CHRM3: variants seen among roughly 807,000 people sequenced by gnomAD.
CHRM3 encodes muscarinic acetylcholine receptor M3.
A neutral mutation model predicts 41.8 loss-of-function variants in CHRM3; 11 were observed. The observed-to-expected ratio is 0.26, with a 90% CI of 0.17 to 0.44. The LOEUF (loss-of-function observed/expected upper bound fraction) is 0.44. Among genes scored for constraint, CHRM3 ranks in the 20% least tolerant of loss-of-function variants. The pLI is 1.00. For synonymous variants in CHRM3, 297 were observed against 301.4 expected (o/e 0.99, Z 0.15); for missense variants, 571 against 745.4 (o/e 0.77, Z 2.72).
chr1:239,908,408 C>G lies in CHRM3; in HGVS notation c.957C>G (p.Ser319Arg). Residue 319 changes from serine to arginine, a missense_variant, in exon 7 of 7, where the codon AGC becomes AGG. By Grantham distance (110) the Ser-to-Arg change is moderately radical. This residue lies in a region of CHRM3 where 239 missense variants were observed against 239.6 expected (regional missense o/e 1.00). Coordinates refer to ENST00000676153, the MANE Select transcript of CHRM3 (RefSeq NM_001375978.1). The surrounding 1 kb of genome is among the most constrained non-coding windows in gnomAD (Gnocchi z 7.2). ...GRCHFWFTTK[S>R]WKPSSEQMDQ... ...GCCACTTCTGGTTCACAACCAAGAGCTGGAAACCCAGCTCCGAGCAGATGG... is the reference window on the plus strand; with the variant it reads ...GCCACTTCTGGTTCACAACCAAGAGGTGGAAACCCAGCTCCGAGCAGATGG... 6.2e-7 allele frequency: 1 copy of G among 1,614,070 alleles called. No homozygotes were observed. The highest frequency in any genetic ancestry group is 8.5e-7 in the Non-Finnish European group (1 of 1,180,042).
chr1:239,594,423 A>G (rs188921470), intron 3 of CHRM3, among the ~76,000 whole-genome samples: 1 of 152,346 alleles, frequency 6.6e-6, no homozygotes. Flanking sequence ...CCATACGACA[A>G]TATCATTATT....
chr1:239,656,452 C>T (rs980352096), intron 4 of CHRM3, among the ~76,000 whole-genome samples: 2 of 147,462 alleles, frequency 1.4e-5, no homozygotes, highest in African/African-American at 5.1e-5. Flanking sequence ...AAGACATCAT[C>T]TCTGCTAAAA....
At chr1:239,888,222 C>G (rs1485720300) in intron 6 of CHRM3, among the ~76,000 whole-genome samples, 1 of 151,952 alleles carries the variant, frequency 6.6e-6, no homozygotes, top group East Asian at 1.9e-4. Context: ...AAAAAAGTAG[C>G]CAGGCATGGT....
At chr1:239,771,975 A>C (rs544581862) in intron 5 of CHRM3, among the ~76,000 whole-genome samples, 46 of 152,362 alleles carry the variant, frequency 3.0e-4, no homozygotes, top group African/African-American at 1.1e-3. Context: ...ATAGATACAG[A>C]GACAGAGAGG....
chr1:239,785,083 A>G (rs557816298), intron 5 of CHRM3, among the ~76,000 whole-genome samples: 1 of 152,108 alleles, frequency 6.6e-6, no homozygotes, highest in Non-Finnish European at 1.5e-5. Flanking sequence ...TATTTCCACT[A>G]TCCATGTGCC....
At chr1:239,492,238 CTG>C (rs1667600603) in intron 1 of CHRM3, among the ~76,000 whole-genome samples, 1 of 152,166 alleles carries the variant, frequency 6.6e-6, no homozygotes, top group Non-Finnish European at 1.5e-5. Context: ...CTAGAGAGCT[CTG>C]TCTTTCCTCA....
intron 5 of CHRM3, among the ~76,000 whole-genome samples, chr1:239,822,661 A>G (rs1435371047): frequency 6.6e-6 from 1 of 152,220 alleles, no homozygotes; most frequent in Non-Finnish European, 1.5e-5. Context: ...TAATCCCAGT[A>G]AGCACAGAAA....
chr1:239,439,202 A>G (rs1202569992), intron 1 of CHRM3, among the ~76,000 whole-genome samples: 1 of 152,190 alleles, frequency 6.6e-6, no homozygotes, highest in African/African-American at 2.4e-5. Context: ...AAATACTTTG[A>G]AACATGGTCC....
chr1:239,623,473 T>C (rs1668645005), intron 3 of CHRM3, among the ~76,000 whole-genome samples: 2 of 141,840 alleles, frequency 1.4e-5, no homozygotes, highest in Admixed American at 7.5e-5. Flanking sequence ...TGGTATTCCA[T>C]GGTGTATAAG....
chr1:239,845,779 A>G (rs1674212558), intron 6 of CHRM3, among the ~76,000 whole-genome samples: 1 of 152,266 alleles, frequency 6.6e-6, no homozygotes, highest in Non-Finnish European at 1.5e-5. Context: ...GCCTGTTTTC[A>G]TGGCTTCACC....
intron 2 of CHRM3, among the ~76,000 whole-genome samples, chr1:239,507,013 C>T (rs1236336206): frequency 6.6e-6 from 1 of 152,106 alleles, no homozygotes; most frequent in African/African-American, 2.4e-5. Context: ...GCCTGTGTCC[C>T]CATTGTTTCT....
intron 6 of CHRM3, among the ~76,000 whole-genome samples, chr1:239,898,580 T>TA (rs1679209461): frequency 6.6e-6 from 1 of 152,136 alleles, no homozygotes; most frequent in Non-Finnish European, 1.5e-5. Flanking sequence ...TATCATCACT[T>TA]AAAAAAATAA....
intron 4 of CHRM3, among the ~76,000 whole-genome samples, chr1:239,662,636 T>C (rs1490700179): frequency 1.3e-5 from 2 of 152,148 alleles, no homozygotes; most frequent in South Asian, 4.1e-4. Context: ...AGGACAGGTA[T>C]CCAGAGAGTA....
In CHRM3 at chr1:239,580,258, TCACACACACACACACA is replaced by T. The variant is rs374479816; in HGVS notation, c.-313+34544_-313+34559del. ...TGTACTACCTGGAAAATACACACTG[TCACACACACACACACA>T]CACACACACACACACACACACACAC... On this transcript the variant is annotated intron_variant, in intron 3 of 6. Coordinates refer to ENST00000676153, the MANE Select transcript of CHRM3 (RefSeq NM_001375978.1). Among the ~76,000 whole-genome samples the T allele has an allele frequency of 3.0e-4, 40 of 132,776 alleles. 1 individual carries two copies. Among genetic ancestry groups the T allele is most frequent in the East Asian group, 2.7e-3 (11 of 4,090 alleles). 87.1% of individuals were successfully genotyped at this position (132,776 alleles called of 152,430 possible). A position where few individuals can be genotyped will look rare whatever the true frequency, so the allele number is the denominator to read the frequency against.
chr1:239,797,784 G>A (rs902421427), intron 5 of CHRM3, among the ~76,000 whole-genome samples: 2 of 152,120 alleles, frequency 1.3e-5, no homozygotes, highest in South Asian at 4.1e-4. Flanking sequence ...GTGGTGGCTT[G>A]CACCTATGGT....
At chr1:239,850,721 C>T (rs575162736) in intron 6 of CHRM3, among the ~76,000 whole-genome samples, 19 of 152,198 alleles carry the variant, frequency 1.2e-4, no homozygotes, top group African/African-American at 4.3e-4. Context: ...AGTGAGTTCT[C>T]GTGTGATCTG....
chr1:239,459,099 C>T (rs79788753), intron 1 of CHRM3, among the ~76,000 whole-genome samples: 143 of 152,220 alleles, frequency 9.4e-4, no homozygotes, highest in African/African-American at 3.1e-3. Context: ...TCCTGTGACA[C>T]AGGAAGAGGT....
chr1:239,487,865 A>C lies in CHRM3; in HGVS notation c.-520-4844A>C, dbSNP rs1045417095. Among the ~76,000 whole-genome samples the C allele has an allele frequency of 5.3e-5, 8 of 151,810 alleles. No homozygotes were observed. The South Asian group carries it at 6.2e-4, about 12-fold the overall frequency. On this transcript the variant is annotated intron_variant, in intron 1 of 6. Transcript: ENST00000676153. The stretch of plus-strand genomic sequence containing the variant: ...TGCTTGGGTAATATTTGCAAAAAAA[A>C]AAAACAAAACACAAAGACAAAAAAA...
In CHRM3 at chr1:239,874,291, A is replaced by ATATATATATATATCTATATACACAG. The variant is rs1676870295; in HGVS notation, c.-19-33129_-19-33128insCTATATACACAGTATATATATATAT. ...ATATATATCTATATACACAGTATAT[A>ATATATATATATATCTATATACACAG]TATATATATATATATATATATATAT... On this transcript the variant is annotated intron_variant, in intron 6 of 6. Coordinates refer to ENST00000676153, the MANE Select transcript of CHRM3 (RefSeq NM_001375978.1). Among the ~76,000 whole-genome samples the ATATATATATATATCTATATACACAG allele has an allele frequency of 1.6e-4, 11 of 67,400 alleles. No individual in the cohort carries two copies. In the East Asian group the frequency reaches 2.2e-3, roughly 14 times the overall value. The allele number at this position is 67,400 out of a possible 152,430, so 44.2% of individuals were successfully genotyped here.
Sources: gnomAD v4.1 joint callset for allele counts (sites outside exome capture counted in the v4.1 genomes callset) on GRCh38, gnomAD v4.1.1 for gene constraint, gnomAD v4.1.1 regional missense constraint, Gnocchi (gnomAD v3.1) non-coding constraint, MANE v1.5 for transcripts, NCBI Gene and HGNC (gene_info 2026-07-23, HGNC 2026-07-21) for gene names.